GALNT13: variants seen among roughly 807,000 people sequenced by gnomAD.
GALNT13 encodes UDP-GalNAc:polypeptide N-acetylgalactosaminyltransferase 13.
GALNT13 carries 28 observed loss-of-function variants against 64.2 expected under a neutral mutation model. The observed-to-expected ratio is 0.44, with a 90% confidence interval of 0.32 to 0.60. GALNT13 has a LOEUF of 0.60. Among genes scored for constraint, GALNT13 ranks in the 20% least tolerant of loss-of-function variants. The pLI, the probability that GALNT13 is intolerant of heterozygous loss-of-function variation, is 0.05. For synonymous variants in GALNT13, 214 were observed against 224.6 expected (o/e 0.95, Z 0.42); for missense variants, 577 against 669.8 (o/e 0.86, Z 1.53).
chr2:153,828,609 C>A, the GALNT13 span, among the ~76,000 whole-genome samples: 5 of 152,132 alleles, frequency 3.3e-5, no homozygotes, highest in Non-Finnish European at 7.3e-5. Context: ...CCATGTTTTC[C>A]TCCTAGGCCT....
the GALNT13 span, among the ~76,000 whole-genome samples, chr2:153,326,182 T>G: frequency 1.3e-5 from 2 of 152,194 alleles, no homozygotes; most frequent in Admixed American, 1.3e-4. Flanking sequence ...GCATATATAT[T>G]TAGGATAGTT....
chr2:153,423,709 G>T, the GALNT13 span, among the ~76,000 whole-genome samples: 1 of 151,810 alleles, frequency 6.6e-6, no homozygotes, highest in South Asian at 2.1e-4. Flanking sequence ...AGAAATAGAA[G>T]TAACTTCACA....
chr2:154,079,144 G>A (rs1005639864), intron 3 of GALNT13, among the ~76,000 whole-genome samples: 1 of 151,554 alleles, frequency 6.6e-6, no homozygotes, highest in Non-Finnish European at 1.5e-5. Context: ...GGATACAGAA[G>A]AAAATCATCA....
chr2:153,235,445 G>A, the GALNT13 span, among the ~76,000 whole-genome samples: 1 of 152,118 alleles, frequency 6.6e-6, no homozygotes, highest in South Asian at 2.1e-4. Flanking sequence ...TCATGAAGGG[G>A]TGGGAAGAAG....
chr2:154,227,487 C>G (rs1270025925), intron 4 of GALNT13, among the ~76,000 whole-genome samples: 1 of 111,502 alleles, frequency 9.0e-6, no homozygotes, highest in Non-Finnish European at 1.8e-5. Flanking sequence ...CCCCTCCCCC[C>G]ACCCCACAAC....
chr2:153,373,024 C>G, the GALNT13 span, among the ~76,000 whole-genome samples: 2 of 152,142 alleles, frequency 1.3e-5, no homozygotes, highest in South Asian at 4.1e-4. Context: ...TATTTTAACT[C>G]AAGCCATTTA....
intron 4 of GALNT13, among the ~76,000 whole-genome samples, chr2:154,183,450 G>A (rs566429116): frequency 1.3e-5 from 2 of 152,114 alleles, no homozygotes; most frequent in South Asian, 4.1e-4. Flanking sequence ...GGTGGCTCAC[G>A]CCTGTAATCC....
chr2:153,790,935 G>A, the GALNT13 span, among the ~76,000 whole-genome samples: 1 of 152,054 alleles, frequency 6.6e-6, no homozygotes, highest in African/African-American at 2.4e-5. Context: ...ACAAAACACT[G>A]CTCAAAGAAA....
chr2:153,305,842 T>G, the GALNT13 span, among the ~76,000 whole-genome samples: 1 of 152,196 alleles, frequency 6.6e-6, no homozygotes, highest in African/African-American at 2.4e-5. Context: ...TAATGAAATA[T>G]AAAGTAGGGA....
intron 2 of GALNT13, among the ~76,000 whole-genome samples, chr2:153,943,186 T>G (rs1691462278): frequency 6.6e-6 from 1 of 152,200 alleles, no homozygotes; most frequent in Non-Finnish European, 1.5e-5. Context: ...AACAAATAAG[T>G]GTAAGGTATT....
chr2:153,809,014 C>A, the GALNT13 span, among the ~76,000 whole-genome samples: 1 of 152,318 alleles, frequency 6.6e-6, no homozygotes, highest in African/African-American at 2.4e-5. Context: ...CTTTTGTGGG[C>A]ACTCAGTAAT....
intron 1 of GALNT13, among the ~76,000 whole-genome samples, chr2:153,879,374 G>GTA (rs1686618792): frequency 6.6e-6 from 1 of 151,816 alleles, no homozygotes; most frequent in South Asian, 2.1e-4. Flanking sequence ...GTGTGTGTGT[G>GTA]TGTGTGTGCA....
intron 8 of GALNT13, among the ~76,000 whole-genome samples, chr2:154,285,477 T>A (rs965779837): frequency 6.6e-6 from 1 of 152,186 alleles, no homozygotes; most frequent in African/African-American, 2.4e-5. Context: ...AAAGACATTC[T>A]CTTTCCCTCA....
At chr2:154,020,637 C>T (rs1037998428) in intron 3 of GALNT13, among the ~76,000 whole-genome samples, 1 of 151,420 alleles carries the variant, frequency 6.6e-6, no homozygotes, top group African/African-American at 2.4e-5. Context: ...AAATTTTCTC[C>T]CATTTTGTAG....
downstream of GALNT13, chr2:154,454,734 A>C (rs1234259639): frequency 6.6e-6 from 1 of 152,180 alleles, no homozygotes; most frequent in Admixed American, 6.6e-5. Context: ...AGTTCTTTAA[A>C]ATAATACAAG....
At chr2:154,114,076 A>G (rs1337063324) in intron 3 of GALNT13, among the ~76,000 whole-genome samples, 1 of 152,200 alleles carries the variant, frequency 6.6e-6, no homozygotes, top group African/African-American at 2.4e-5. Flanking sequence ...TTGAACGGGG[A>G]TGTGGTGGGA....
the GALNT13 span, among the ~76,000 whole-genome samples, chr2:153,716,862 C>T: frequency 6.6e-6 from 1 of 152,078 alleles, no homozygotes; most frequent in African/African-American, 2.4e-5. Context: ...ATGGAAAGGC[C>T]CCCTACTGCA....
the GALNT13 span, among the ~76,000 whole-genome samples, chr2:153,135,124 G>T: frequency 5.9e-5 from 9 of 152,138 alleles, no homozygotes; most frequent in Non-Finnish European, 1.3e-4. Context: ...TCTGGTGAGG[G>T]CTCCCTTGGT....
chr2:153,514,780 A>G, the GALNT13 span, among the ~76,000 whole-genome samples: 1 of 152,098 alleles, frequency 6.6e-6, no homozygotes, highest in Non-Finnish European at 1.5e-5. Flanking sequence ...TGCTTCCTCC[A>G]TGCTTTTGGA....
Sources: gnomAD v4.1 joint callset for allele counts (sites outside exome capture counted in the v4.1 genomes callset) on GRCh38, gnomAD v4.1.1 for gene constraint, MANE v1.5 for transcripts, NCBI Gene and HGNC (gene_info 2026-07-23, HGNC 2026-07-21) for gene names.